The following VWC2L variants were observed in gnomAD, a reference collection of about 807,000 sequenced individuals.
VWC2L encodes von Willebrand factor C domain containing 2 like.
Under a neutral mutation model 21.6 loss-of-function variants are expected in VWC2L, and 10 were observed. The ratio of observed to expected loss-of-function variants is 0.46; its 90% confidence interval spans 0.29 to 0.78. The LOEUF is 0.78. VWC2L is among the 30% of genes least tolerant of loss of function. VWC2L has a pLI of 0.10. For missense variants in VWC2L, 209 were observed against 277.1 expected, an observed-to-expected ratio of 0.75 and a Z score of 1.74; for synonymous variants, 96 against 94.3, an observed-to-expected ratio of 1.02 and a Z score of -0.10.
At chr2:214,436,822 G>T in intron 3 of VWC2L, 64 bp downstream of exon 3, 2 of 1,588,580 alleles carry the variant, frequency 1.3e-6, no homozygotes, top group Non-Finnish European at 1.7e-6. Flanking sequence ...TTTCACTACT[G>T]CATACCATTC....
chr2:214,562,187 T>C (rs10198363), intron 3 of VWC2L, among the ~76,000 whole-genome samples: 36,697 of 151,470 alleles, frequency 0.24, 4,662 homozygotes, highest in African/African-American at 0.32. Context: ...GTGTGTGTTG[T>C]TCCCCTCCAT....
chr2:214,504,198 T>C (rs1184044255), intron 3 of VWC2L, among the ~76,000 whole-genome samples: 2 of 152,226 alleles, frequency 1.3e-5, no homozygotes, highest in African/African-American at 2.4e-5. Context: ...TGAATAGCTT[T>C]AGCTGCTTCG....
At chr2:214,563,448 G>A (rs1405792295) in intron 3 of VWC2L, among the ~76,000 whole-genome samples, 1 of 150,272 alleles carries the variant, frequency 6.7e-6, no homozygotes, top group Admixed American at 6.7e-5. Context: ...TCAGGAGGCT[G>A]AGGCAGGAGA....
At chr2:214,458,734 C>T (rs1703092316) in intron 3 of VWC2L, among the ~76,000 whole-genome samples, 1 of 152,026 alleles carries the variant, frequency 6.6e-6, no homozygotes, top group Non-Finnish European at 1.5e-5. Context: ...ACAGTTTCCA[C>T]AGTTGTCTTA....
At chr2:214,566,851 C>T (rs1343743310) in intron 3 of VWC2L, among the ~76,000 whole-genome samples, 2 of 152,120 alleles carry the variant, frequency 1.3e-5, no homozygotes, top group Non-Finnish European at 2.9e-5. Flanking sequence ...ATGGCTACAC[C>T]TGATCAGAAA....
chr2:214,565,741 A>C (rs1472504401), intron 3 of VWC2L, among the ~76,000 whole-genome samples: 1 of 152,100 alleles, frequency 6.6e-6, no homozygotes, highest in Non-Finnish European at 1.5e-5. Flanking sequence ...ACAACTTAAC[A>C]TTTTTTTGTG....
intron 3 of VWC2L, among the ~76,000 whole-genome samples, chr2:214,542,069 T>C (rs1689637658): frequency 6.6e-6 from 1 of 152,154 alleles, no homozygotes; most frequent in South Asian, 2.1e-4. Context: ...CCTGAGTGAA[T>C]ATAATGCTGA....
chr2:214,555,962 T>G (rs1166532760), intron 3 of VWC2L, among the ~76,000 whole-genome samples: 1 of 152,130 alleles, frequency 6.6e-6, no homozygotes, highest in Non-Finnish European at 1.5e-5. Context: ...ATCTATGATC[T>G]CAATGACTAT....
At chr2:214,470,514 G>T (rs969938082) in intron 3 of VWC2L, among the ~76,000 whole-genome samples, 4 of 151,958 alleles carry the variant, frequency 2.6e-5, no homozygotes, top group African/African-American at 9.7e-5. Flanking sequence ...TTTTGATTTT[G>T]CAAGTACTTG....
intron 3 of VWC2L, among the ~76,000 whole-genome samples, chr2:214,448,924 G>A (rs1310903287): frequency 1.3e-5 from 2 of 152,042 alleles, no homozygotes; most frequent in Non-Finnish European, 2.9e-5. Context: ...AGCACTCAAT[G>A]CCCTCTGAGT....
intron 3 of VWC2L, among the ~76,000 whole-genome samples, chr2:214,485,668 T>G (rs1688664018): frequency 6.6e-6 from 1 of 152,156 alleles, no homozygotes; most frequent in African/African-American, 2.4e-5. Context: ...GAAATATGCT[T>G]TCTTCTTCCT....
intron 3 of VWC2L, among the ~76,000 whole-genome samples, chr2:214,522,496 G>A (rs1260787813): frequency 6.6e-6 from 1 of 151,950 alleles, no homozygotes; most frequent in Admixed American, 6.6e-5. Context: ...ATGGGGTACA[G>A]GAGACATTGG....
chr2:214,574,565 T>C (rs1421804018), intron 3 of VWC2L, among the ~76,000 whole-genome samples: 2 of 152,172 alleles, frequency 1.3e-5, no homozygotes, highest in African/African-American at 4.8e-5. Flanking sequence ...GATACTGATA[T>C]GCATTGCCAT....
chr2:214,436,003 G>A (rs1398050209), intron 2 of VWC2L, among the ~76,000 whole-genome samples: 5 of 151,414 alleles, frequency 3.3e-5, no homozygotes, highest in South Asian at 2.1e-4. Flanking sequence ...TAGGCCAGTC[G>A]ATTTGTTCAT....
At chr2:214,446,719 C>CG (rs1319720882) in intron 3 of VWC2L, among the ~76,000 whole-genome samples, 10 of 152,106 alleles carry the variant, frequency 6.6e-5, no homozygotes, top group African/African-American at 2.2e-4. Context: ...CCAGTCCCCC[C>CG]ACAAAACATA....
intron 3 of VWC2L, among the ~76,000 whole-genome samples, chr2:214,485,097 A>G (rs1163783587): frequency 2.6e-5 from 4 of 152,120 alleles, no homozygotes; most frequent in African/African-American, 9.7e-5. Flanking sequence ...CAGGTGGATC[A>G]TTTGAGGTCA....
intron 3 of VWC2L, among the ~76,000 whole-genome samples, chr2:214,530,610 G>T (rs1437243044): frequency 2.0e-5 from 3 of 152,104 alleles, no homozygotes; most frequent in African/African-American, 7.2e-5. Flanking sequence ...AGAAGAGGAA[G>T]GAGATGGATC....
intron 2 of VWC2L, among the ~76,000 whole-genome samples, chr2:214,432,816 G>A (rs1702619455): frequency 6.6e-6 from 1 of 152,090 alleles, no homozygotes; most frequent in Non-Finnish European, 1.5e-5. Flanking sequence ...GAGGTCAGGA[G>A]TTAGAAACCA....
In VWC2L at chr2:214,540,880, G is replaced by T. The variant is rs183183196; in HGVS notation, c.521-34792G>T. 4.2e-4 allele frequency among the ~76,000 whole-genome samples: 64 copies of T among 152,254 alleles called. No homozygotes were observed. The East Asian group carries it at 0.011, about 27-fold the overall frequency. ...TCATCAGTGACAGAGTCAGACCAAA[G>T]CTCTTCTTCAGGCAACACATGCAAA... On this transcript the variant is annotated intron_variant, in intron 3 of 3. Coordinates refer to ENST00000312504, the MANE Select transcript of VWC2L (RefSeq NM_001080500.4).
Sources: gnomAD v4.1 joint callset for allele counts (sites outside exome capture counted in the v4.1 genomes callset) on GRCh38, gnomAD v4.1.1 for gene constraint, MANE v1.5 for transcripts, NCBI Gene and HGNC (gene_info 2026-07-23, HGNC 2026-07-21) for gene names.